The following CSMD1 variants were observed in gnomAD, a reference collection of about 807,000 sequenced individuals.
CSMD1 encodes CUB and sushi domain-containing protein 1.
A neutral mutation model predicts 417.5 loss-of-function variants in CSMD1; 213 were observed. The observed-to-expected ratio is 0.51, with a 90% confidence interval of 0.46 to 0.57. The LOEUF is 0.57. CSMD1 is among the 20% of genes least tolerant of loss of function. The probability of loss-of-function intolerance (pLI) is 0.00; values close to 1 mark genes in which losing one functional copy is unlikely to be tolerated. For missense variants in CSMD1, 6,923 were observed against 4,529.7 expected (o/e 1.53, Z -15.17); for synonymous variants, 2,862 against 1,736.8 (o/e 1.65, Z -16.11).
At chr8:4,334,807 G>C (rs1020869437) in intron 3 of CSMD1, among the ~76,000 whole-genome samples, 7 of 152,124 alleles carry the variant, frequency 4.6e-5, no homozygotes, top group African/African-American at 1.2e-4. Flanking sequence ...ATGACAAAAT[G>C]CCATATATTC....
At chr8:3,988,914 G>T (rs776651963) in intron 5 of CSMD1, among the ~76,000 whole-genome samples, 1 of 152,222 alleles carries the variant, frequency 6.6e-6, no homozygotes, top group African/African-American at 2.4e-5. Context: ...TGTTTTAAAA[G>T]TTGAGTGGAG....
chr8:3,636,134 G>C lies in CSMD1; in HGVS notation c.1010-19337C>G, dbSNP rs145586639. ...AACTAAGGCAGAAACACACACATTA[G>C]CCTAGGCCTACAACACAGGGTCAGA... On this transcript the variant is annotated intron_variant, in intron 7 of 69. Coordinates refer to ENST00000635120, the MANE Select transcript of CSMD1 (RefSeq NM_033225.6). 3.1e-3 allele frequency among the ~76,000 whole-genome samples: 470 copies of C among 152,152 alleles called. 3 individuals carry two copies. Among genetic ancestry groups the C allele is most frequent in the African/African-American group, 0.011 (446 of 41,504 alleles).
At chr8:4,915,389 C>G (rs1024065817) in intron 1 of CSMD1, among the ~76,000 whole-genome samples, 1 of 152,140 alleles carries the variant, frequency 6.6e-6, no homozygotes, top group African/African-American at 2.4e-5. Flanking sequence ...GATTCTGATC[C>G]GTATTTTAGA....
chr8:3,007,793 G>A (rs569765666), intron 52 of CSMD1, among the ~76,000 whole-genome samples: 19 of 112,152 alleles, frequency 1.7e-4, no homozygotes, highest in Admixed American at 4.6e-4. Flanking sequence ...AGGGGGGAGG[G>A]ATAGCATCGG....
At chr8:4,728,077 T>A (rs1253061229) in intron 1 of CSMD1, among the ~76,000 whole-genome samples, 1 of 146,982 alleles carries the variant, frequency 6.8e-6, no homozygotes. Context: ...AATGTATATG[T>A]TTGTAGGTAA....
intron 2 of CSMD1, among the ~76,000 whole-genome samples, chr8:4,536,393 A>G (rs1797104539): frequency 6.6e-6 from 1 of 152,134 alleles, no homozygotes; most frequent in African/African-American, 2.4e-5. Flanking sequence ...ACAATTTTAA[A>G]TTTAATCATA....
At chr8:4,181,054 C>A (rs1212096321) in intron 3 of CSMD1, among the ~76,000 whole-genome samples, 1 of 152,106 alleles carries the variant, frequency 6.6e-6, no homozygotes, top group South Asian at 2.1e-4. Context: ...ACTAAAGAGT[C>A]TCCAAATATG....
At chr8:4,239,726 T>G (rs997997416) in intron 3 of CSMD1, among the ~76,000 whole-genome samples, 51 of 152,306 alleles carry the variant, frequency 3.3e-4, no homozygotes, top group Admixed American at 9.2e-4. Flanking sequence ...GTTGCTTTAT[T>G]GTGGAAAGGT....
chr8:3,512,813 C>A (rs1233993902), intron 10 of CSMD1, among the ~76,000 whole-genome samples: 1 of 151,900 alleles, frequency 6.6e-6, no homozygotes, highest in South Asian at 2.1e-4. Context: ...ACCATGTTGG[C>A]TAGGATGGTC....
At chr8:4,093,158 C>T (rs1461498193) in intron 3 of CSMD1, among the ~76,000 whole-genome samples, 2 of 152,082 alleles carry the variant, frequency 1.3e-5, no homozygotes, top group Non-Finnish European at 2.9e-5. Context: ...TGACTGTTTG[C>T]AGGTTTACAG....
intron 10 of CSMD1, among the ~76,000 whole-genome samples, chr8:3,558,872 C>T (rs1048806302): frequency 5.3e-5 from 8 of 152,254 alleles, no homozygotes; most frequent in Admixed American, 2.6e-4. Flanking sequence ...GTTCACCTGC[C>T]GCCCTGTAGT....
At chr8:4,237,335 T>C (rs754567995) in intron 3 of CSMD1, among the ~76,000 whole-genome samples, 1 of 152,054 alleles carries the variant, frequency 6.6e-6, no homozygotes, top group Non-Finnish European at 1.5e-5. Flanking sequence ...GTAAATAAAC[T>C]AATCCTTCAA....
chr8:4,008,600 CTTTTTTTTTTTTTTTT>C (rs1161117794), intron 4 of CSMD1, among the ~76,000 whole-genome samples: 46 of 80,458 alleles, frequency 5.7e-4, no homozygotes, highest in African/African-American at 7.9e-4. Flanking sequence ...TTCTTTTTTT[CTTTTTTTTTTTTTTTT>C]TTTTTTTTTT....
At chr8:4,472,958 A>C (rs1800617715) in intron 2 of CSMD1, among the ~76,000 whole-genome samples, 2 of 151,916 alleles carry the variant, frequency 1.3e-5, no homozygotes. Context: ...CAGTAACATT[A>C]CCTATTTATA....
chr8:3,629,176 G>A (rs76189263), intron 7 of CSMD1, among the ~76,000 whole-genome samples: 3,967 of 152,176 alleles, frequency 0.026, 80 homozygotes, highest in Middle Eastern at 0.078. Flanking sequence ...GGACGCAGGG[G>A]AACTTGCTTG....
chr8:4,264,471 T>A (rs1232121533), intron 3 of CSMD1, among the ~76,000 whole-genome samples: 1 of 152,160 alleles, frequency 6.6e-6, no homozygotes, highest in Admixed American at 6.5e-5. Flanking sequence ...CAGATCACAA[T>A]TCTCTCATCG....
chr8:4,207,196 T>C (rs559001889), intron 3 of CSMD1, among the ~76,000 whole-genome samples: 5 of 152,272 alleles, frequency 3.3e-5, no homozygotes, highest in Admixed American at 6.5e-5. Flanking sequence ...TTGACGTAGA[T>C]AGGAAATGAA....
rs184476650 is a variant in CSMD1 at position 3,460,582 on chromosome 8, T to C, written c.1561+8130A>G. On this transcript the variant is annotated intron_variant, in intron 12 of 69. Coordinates refer to ENST00000635120, the MANE Select transcript of CSMD1 (RefSeq NM_033225.6). ...CAGAGGCCGCCTAGAGGGGACACTG[T>C]GGAAGCCGACTAAGGGTAAGAGAAT... is the stretch of plus-strand genomic sequence containing the variant. 4.9e-3 allele frequency among the ~76,000 whole-genome samples: 740 copies of C among 152,122 alleles called. 9 individuals are homozygous for C. The highest frequency in any genetic ancestry group is 8.3e-3 in the Non-Finnish European group (562 of 68,004).
intron 2 of CSMD1, among the ~76,000 whole-genome samples, chr8:4,564,857 T>C (rs1563290964): frequency 6.6e-6 from 1 of 152,244 alleles, no homozygotes; most frequent in Non-Finnish European, 1.5e-5. Flanking sequence ...CTTTGCTGCT[T>C]ACTATTTTTT....
Sources: gnomAD v4.1 joint callset for allele counts (sites outside exome capture counted in the v4.1 genomes callset) on GRCh38, gnomAD v4.1.1 for gene constraint, MANE v1.5 for transcripts, NCBI Gene and HGNC (gene_info 2026-07-23, HGNC 2026-07-21) for gene names.